GAD1: variants seen among roughly 807,000 people sequenced by gnomAD.
GAD1 encodes 67 kDa glutamic acid decarboxylase.
A neutral mutation model predicts 75.2 loss-of-function variants in GAD1; 35 were observed. The ratio of observed to expected loss-of-function variants is 0.47; its 90% CI spans 0.36 to 0.62. GAD1 has a LOEUF of 0.62. Among genes scored for constraint, GAD1 ranks in the 20% least tolerant of loss-of-function variants. The probability of loss-of-function intolerance (pLI) is 0.00; values close to 1 mark genes in which losing one functional copy is unlikely to be tolerated. For synonymous variants in GAD1, 257 were observed against 271.9 expected, an observed-to-expected ratio of 0.95 and a Z score of 0.54; for missense variants, 490 against 758.5, an observed-to-expected ratio of 0.65 and a Z score of 4.16.
chr2:170,844,394 T>C (rs41265947), intron 7 of GAD1, among the ~76,000 whole-genome samples: 1,844 of 148,342 alleles, frequency 0.012, 27 homozygotes, highest in Middle Eastern at 0.031. Context: ...AATAACCCCA[T>C]TTTTTCTTTT....
chr2:170,814,874 T>C (rs949200926), upstream of GAD1, among the ~76,000 whole-genome samples: 5 of 152,054 alleles, frequency 3.3e-5, no homozygotes, highest in Non-Finnish European at 7.4e-5. Flanking sequence ...AAGGAGGAAG[T>C]GGTTGGAAAT....
At chr2:170,833,185 G>A (rs1209218537) in intron 5 of GAD1, among the ~76,000 whole-genome samples, 7 of 152,182 alleles carry the variant, frequency 4.6e-5, no homozygotes, top group African/African-American at 1.7e-4. Flanking sequence ...GAGGCTGGTG[G>A]TGATAGAGCT....
intron 2 of GAD1, among the ~76,000 whole-genome samples, chr2:170,821,377 C>T (rs1248952336): frequency 1.3e-5 from 2 of 152,122 alleles, no homozygotes; most frequent in African/African-American, 4.8e-5. Flanking sequence ...GTGCTTGATT[C>T]CATTTACCTT....
intron 12 of GAD1, among the ~76,000 whole-genome samples, chr2:170,849,756 G>T (rs1328213796): frequency 6.6e-6 from 1 of 152,254 alleles, no homozygotes; most frequent in Non-Finnish European, 1.5e-5. Context: ...TGTGATAAGT[G>T]TAACAGGAGA....
chr2:170,854,397 C>CTTTTTTTTTT (rs71399565), intron 14 of GAD1, among the ~76,000 whole-genome samples: 1 of 112,774 alleles, frequency 8.9e-6, no homozygotes, highest in Admixed American at 9.7e-5. Flanking sequence ...ACCTTGAATT[C>CTTTTTTTTTT]TTTTTTTTTT....
chr2:170,819,812 T>C (rs1701816179), intron 2 of GAD1, among the ~76,000 whole-genome samples: 1 of 152,334 alleles, frequency 6.6e-6, no homozygotes, highest in South Asian at 2.1e-4. Context: ...TATGGCACTT[T>C]ATATTTGAGA....
chr2:170,845,560 C>T lies in GAD1; in HGVS notation c.806C>T (p.Pro269Leu). The part of the protein sequence containing the change: ...SIMAARYKYF[P>L]EVKTKGMAAV... ...ATGGCTGCTCGCTACAAGTACTTCC[C>T]GGAAGTTAAGACAAAGGGCATGGCG... Residue 269 changes from proline to leucine, a missense_variant, in exon 8 of 17, where the codon CCG becomes CTG. Physicochemically the swap from Pro to Leu is moderately conservative, Grantham distance 98. Coordinates refer to ENST00000358196, the MANE Select transcript of GAD1 (RefSeq NM_000817.3). The T allele has an allele frequency of 6.2e-7, 1 of 1,614,122 alleles. No individual in the cohort carries two copies. The highest frequency in any genetic ancestry group is 8.5e-7 in the Non-Finnish European group (1 of 1,180,024).
intron 2 of GAD1, among the ~76,000 whole-genome samples, chr2:170,819,875 G>A (rs35495071): frequency 6.6e-6 from 1 of 152,204 alleles, no homozygotes; most frequent in Non-Finnish European, 1.5e-5. Context: ...AGCCCCTTTA[G>A]ACGCTGGCAT....
intron 6 of GAD1, 24 bp from the exon 7 acceptor site, chr2:170,844,021 T>TC (rs1361046263): frequency 8.0e-7 from 1 of 1,256,080 alleles, no homozygotes; most frequent in East Asian, 2.3e-5. Context: ...TTTTCTTTCA[T>TC]CCTTCTTCTT....
At chr2:170,837,054 A>G (rs568319191) in intron 6 of GAD1, among the ~76,000 whole-genome samples, 171 bp downstream of exon 6, 10 of 152,360 alleles carry the variant, frequency 6.6e-5, no homozygotes, top group African/African-American at 2.4e-4. Context: ...TTGATAAACT[A>G]TTGTTGAATT....
chr2:170,859,545 G>A (rs183327453), intron 16 of GAD1, among the ~76,000 whole-genome samples, 164 bp from the exon 17 acceptor site: 191 of 152,320 alleles, frequency 1.3e-3, no homozygotes, highest in Non-Finnish European at 1.3e-4. Flanking sequence ...CTTGTGACCA[G>A]GTAGTCATTT....
At position 170,860,122 on chromosome 2, in the gene GAD1, CTATATA is replaced by C. The variant is rs1386742508; in HGVS notation, c.*243_*248del. ...TATGTACAGTTATACATACCTCTCT[CTATATA>C]TACATGTATAGTGAGTGTGGCTTAG... On this transcript the variant is annotated 3_prime_UTR_variant, in exon 17 of 17. Coordinates refer to ENST00000358196, the MANE Select transcript of GAD1 (RefSeq NM_000817.3). The C allele has an allele frequency of 2.0e-6, 1 of 508,192 alleles. No homozygotes were observed. Among genetic ancestry groups the C allele is most frequent in the East Asian group, 3.6e-5 (1 of 27,430 alleles). The allele number at this position is 508,192 out of a possible 1,614,324, so 31.5% of individuals were successfully genotyped here.
At position 170,829,641 on chromosome 2, in the gene GAD1, C is replaced by T; in HGVS notation, c.304+8C>T. The stretch of plus-strand genomic sequence containing the variant: ...CTAATCTGTTTGCTAGAGGTAGCCC[C>T]TGCCCCACTCCCGCCCCATGCTAGC... On this transcript the variant is annotated splice_region_variant and intron_variant, in intron 4 of 16. Transcript: ENST00000358196. The T allele has an allele frequency of 1.9e-6, 3 of 1,612,388 alleles. No homozygotes were observed. The highest frequency in any genetic ancestry group is 2.5e-6 in the Non-Finnish European group (3 of 1,179,948).
At chr2:170,832,973 C>A (rs1702280117) in intron 5 of GAD1, among the ~76,000 whole-genome samples, 2 of 152,208 alleles carry the variant, frequency 1.3e-5, no homozygotes, top group South Asian at 2.1e-4. Context: ...ATAACTCTCT[C>A]CACACTACAG....
In GAD1 at chr2:170,853,154, C is replaced by A; in HGVS notation, c.1263+362C>A. 3.0e-6 allele frequency: 1 copy of A among 334,358 alleles called. No homozygotes were observed. The highest frequency in any genetic ancestry group is 5.7e-6 in the Non-Finnish European group (1 of 174,790). The allele number at this position is 334,358 out of a possible 1,614,324, so 20.7% of individuals were successfully genotyped here. ...ACAAAAGCACTCACTGGAGCATACTCGGAGTTCTTAGTATAAACGTGTGGT... is the reference window on the plus strand; with the variant it reads ...ACAAAAGCACTCACTGGAGCATACTAGGAGTTCTTAGTATAAACGTGTGGT... On this transcript the variant is annotated intron_variant, in intron 13 of 16. Transcript: ENST00000358196. The surrounding 1 kb of genome is among the most constrained non-coding windows in gnomAD (Gnocchi z 4.1).
chr2:170,822,443 G>GAT (rs1701912823), intron 3 of GAD1, among the ~76,000 whole-genome samples: 1 of 152,212 alleles, frequency 6.6e-6, no homozygotes, highest in Non-Finnish European at 1.5e-5. Flanking sequence ...AAGCGCCCCC[G>GAT]CGCGGCAACC....
rs1038464047 is a variant in GAD1 at position 170,842,482 on chromosome 2, G to T, written c.639-1563G>T. The T allele has an allele frequency of 3.4e-5, 41 of 1,190,658 alleles. No homozygotes were observed. The African/African-American group carries it at 4.1e-4, about 12-fold the overall frequency. The allele number at this position is 1,190,658 out of a possible 1,614,324, so 73.8% of individuals were successfully genotyped here. On this transcript the variant is annotated intron_variant, in intron 6 of 16. Coordinates refer to ENST00000358196, the MANE Select transcript of GAD1 (RefSeq NM_000817.3). Reference sequence around the variant, plus strand: ...TTAATAACACATTTGTTCAAGAATGGTTAAAAGCCCATCATGAGTTTGCCT... The same window carrying T: ...TTAATAACACATTTGTTCAAGAATGTTTAAAAGCCCATCATGAGTTTGCCT...
At chr2:170,838,563 A>G (rs1702427480) in intron 6 of GAD1, among the ~76,000 whole-genome samples, 1 of 152,188 alleles carries the variant, frequency 6.6e-6, no homozygotes, top group Non-Finnish European at 1.5e-5. Flanking sequence ...TAATACAAGC[A>G]CTGAATTTAC....
chr2:170,829,964 C>CCTG, intron 4 of GAD1: 1 of 340,956 alleles, frequency 2.9e-6, no homozygotes, highest in South Asian at 2.5e-5. Flanking sequence ...AACGTTTATC[C>CCTG]TGGAAGATTG....
Sources: allele counts gnomAD v4.1 joint callset (sites outside exome capture counted in the v4.1 genomes callset), GRCh38; gene constraint gnomAD v4.1.1; non-coding constraint Gnocchi (gnomAD v3.1); transcripts MANE v1.5; gene names NCBI Gene and HGNC (gene_info 2026-07-23, HGNC 2026-07-21).